Variants in EXPH5 observed in about 807,000 individuals in gnomAD.
EXPH5 encodes the protein exophilin 5.
A neutral mutation model predicts 41.1 loss-of-function variants in EXPH5; 42 were observed. The observed-to-expected ratio is 1.02, with a 90% CI of 0.80 to 1.32. The LOEUF (loss-of-function observed/expected upper bound fraction) is 1.32. Among genes scored for constraint, EXPH5 ranks in the 40% most tolerant of loss-of-function variants. The pLI is 0.00. For missense variants in EXPH5, 2,298 were observed against 2,314.5 expected, an observed-to-expected ratio of 0.99 and a Z score of 0.15; for synonymous variants, 798 against 833.5, an observed-to-expected ratio of 0.96 and a Z score of 0.73.
chr11:108,577,873 T>C (rs113885719), intron 1 of EXPH5, among the ~76,000 whole-genome samples: 75 of 152,338 alleles, frequency 4.9e-4, no homozygotes, highest in African/African-American at 1.6e-3. Flanking sequence ...AGATCTTTCG[T>C]CCATTTTAAA....
At chr11:108,599,278 G>GA in the EXPH5 span, among the ~76,000 whole-genome samples, 26 of 147,386 alleles carry the variant, frequency 1.8e-4, no homozygotes, top group Admixed American at 3.4e-4. Flanking sequence ...AGTGGTAAAA[G>GA]AAAAAAAAAA....
chr11:108,593,429 C>G lies in EXPH5; in HGVS notation c.108G>C (p.Lys36Asn). The G allele has an allele frequency of 6.2e-7, 1 of 1,613,804 alleles. No homozygotes were observed. Among genetic ancestry groups the G allele is most frequent in the Non-Finnish European group, 8.5e-7 (1 of 1,179,658 alleles). ...AATTTGCTCTGTACCTGATCCTGTCCTTCTCGGCCCTCTGTAACTCCTCAT... is the reference window on the plus strand; with the variant it reads ...AATTTGCTCTGTACCTGATCCTGTCGTTCTCGGCCCTCTGTAACTCCTCAT... ...ERNEELQRAEKDRISKLQKTK... is the reference protein window; with the variant it reads ...ERNEELQRAENDRISKLQKTK... Residue 36 changes from lysine (K) to asparagine (N), a missense_variant, in exon 1 of 6, where the codon AAG becomes AAC. By Grantham distance (94) the Lys-to-Asn change is moderately conservative (BLOSUM62 0). Transcript: ENST00000265843.
At chr11:108,526,451 T>G (rs1377915445) in intron 4 of EXPH5, among the ~76,000 whole-genome samples, 1 of 152,256 alleles carries the variant, frequency 6.6e-6, no homozygotes, top group African/African-American at 2.4e-5. Flanking sequence ...CATTTGCCTT[T>G]CTTTTTACAT....
intron 1 of EXPH5, among the ~76,000 whole-genome samples, chr11:108,547,073 T>C (rs1377100182): frequency 6.6e-6 from 1 of 152,236 alleles, no homozygotes; most frequent in Admixed American, 6.5e-5. Context: ...AATGCTGGGA[T>C]TATAGGTGTG....
At chr11:108,577,505 C>A (rs910228321) in intron 1 of EXPH5, among the ~76,000 whole-genome samples, 12 of 151,856 alleles carry the variant, frequency 7.9e-5, no homozygotes, top group East Asian at 3.9e-4. Flanking sequence ...CTCACTGCAT[C>A]CTCTGCCTCC....
chr11:108,597,154 A>AT (rs1485968815), upstream of EXPH5, among the ~76,000 whole-genome samples: 223 of 152,264 alleles, frequency 1.5e-3, 1 homozygote, highest in African/African-American at 5.2e-3. Context: ...AAGCCAAGAG[A>AT]CATGCTGATC....
chr11:108,539,189 A>C lies in EXPH5; in HGVS notation c.281-3T>G. The C allele has an allele frequency of 6.4e-7, 1 of 1,560,214 alleles. No homozygotes were observed. The stretch of plus-strand genomic sequence containing the variant: ...TGATGTAGGTAATTCTATCGGATCT[A>C]GAAAAAAAAATTGTAAAAATTTTGC... On this transcript the variant is annotated splice_region_variant and splice_polypyrimidine_tract_variant and intron_variant, in intron 2 of 5. Transcript: ENST00000265843.
At chr11:108,596,947 A>G (rs2094139670), upstream of EXPH5, among the ~76,000 whole-genome samples, 1 of 152,208 alleles carries the variant, frequency 6.6e-6, no homozygotes. Flanking sequence ...GCCATTTTCA[A>G]TCTTAGTATC....
intron 1 of EXPH5, among the ~76,000 whole-genome samples, chr11:108,575,736 G>A (rs2136106855): frequency 6.6e-6 from 1 of 152,350 alleles, no homozygotes; most frequent in South Asian, 2.1e-4. Context: ...CACTTTGGGA[G>A]GCCGAGGCAG....
the EXPH5 span, among the ~76,000 whole-genome samples, chr11:108,599,218 G>A: frequency 1.5e-3 from 228 of 152,006 alleles, 2 homozygotes; most frequent in Non-Finnish European, 2.7e-3. Context: ...CATCGTATAT[G>A]ACATAAGGAT....
At chr11:108,581,338 T>C (rs1190686180) in intron 1 of EXPH5, among the ~76,000 whole-genome samples, 8 of 151,778 alleles carry the variant, frequency 5.3e-5, no homozygotes, top group African/African-American at 1.7e-4. Context: ...TATGTATGCA[T>C]ATATATAGTT....
chr11:108,525,215 T>C (rs2093790579), intron 4 of EXPH5, among the ~76,000 whole-genome samples: 1 of 152,218 alleles, frequency 6.6e-6, no homozygotes, highest in Admixed American at 6.5e-5. Context: ...TTACCCAGTC[T>C]TGGGTATCTC....
chr11:108,528,695 C>CTTTTT (rs58500316), intron 3 of EXPH5, among the ~76,000 whole-genome samples: 27 of 106,262 alleles, frequency 2.5e-4, no homozygotes, highest in Non-Finnish European at 3.0e-4. Context: ...TTTTCTTTCC[C>CTTTTT]TTTTTTTTTT....
chr11:108,597,764 C>G (rs1480566264), upstream of EXPH5, among the ~76,000 whole-genome samples: 1 of 151,876 alleles, frequency 6.6e-6, no homozygotes, highest in Non-Finnish European at 1.5e-5. Context: ...TGGTGTAACT[C>G]TTAGAAAAGA....
chr11:108,519,269 G>T (rs1339751175), intron 4 of EXPH5, among the ~76,000 whole-genome samples: 1 of 152,156 alleles, frequency 6.6e-6, no homozygotes, highest in African/African-American at 2.4e-5. Context: ...TTGGGTAAGT[G>T]GTGGGGTGTG....
chr11:108,592,267 T>C (rs1049879711), intron 1 of EXPH5, among the ~76,000 whole-genome samples: 17 of 152,114 alleles, frequency 1.1e-4, no homozygotes, highest in African/African-American at 4.1e-4. Context: ...AGAGTCATGT[T>C]TAGGGGAGAA....
chr11:108,525,874 T>C (rs986002852), intron 4 of EXPH5, among the ~76,000 whole-genome samples: 3 of 151,854 alleles, frequency 2.0e-5, no homozygotes, highest in Admixed American at 6.6e-5. Context: ...TTTCATTATT[T>C]TTTTCTTTCT....
intron 5 of EXPH5, 91 bp downstream of exon 5, chr11:108,518,144 C>T: frequency 8.6e-7 from 1 of 1,163,674 alleles, no homozygotes; most frequent in Non-Finnish European, 1.2e-6. Flanking sequence ...TACAGTGTTT[C>T]ATATGTTTTG....
In EXPH5 at chr11:108,519,679, C is replaced by T. The variant is rs944057924; in HGVS notation, c.493-1306G>A. Among the ~76,000 whole-genome samples, 15 of 151,358 alleles carry T rather than the reference C, an allele frequency of 9.9e-5. No individual in the cohort carries two copies. In the East Asian group the frequency reaches 1.4e-3, roughly 14 times the overall value. Reference sequence around the variant, plus strand: ...AGGAGAATAGCTTGAACTCGGAAGGCGGAAGTTGTAGTGAGCTAAAATCAT... The same window carrying T: ...AGGAGAATAGCTTGAACTCGGAAGGTGGAAGTTGTAGTGAGCTAAAATCAT... On this transcript the variant is annotated intron_variant, in intron 4 of 5. Coordinates refer to ENST00000265843, the MANE Select transcript of EXPH5 (RefSeq NM_015065.3).
Sources: allele counts gnomAD v4.1 joint callset (sites outside exome capture counted in the v4.1 genomes callset), GRCh38; gene constraint gnomAD v4.1.1; transcripts MANE v1.5; gene names NCBI Gene and HGNC (gene_info 2026-07-23, HGNC 2026-07-21).